The following BBS9 variants were observed in gnomAD, a reference collection of about 807,000 sequenced individuals.
BBS9 encodes protein PTHB1.
Under a neutral mutation model 117.7 loss-of-function variants are expected in BBS9, and 89 were observed. The ratio of observed to expected loss-of-function variants is 0.76; its 90% confidence interval spans 0.64 to 0.90. The LOEUF is 0.90. BBS9 is among the 40% of genes least tolerant of loss of function. The pLI, the probability that BBS9 is intolerant of heterozygous loss-of-function variation, is 0.00. For missense variants in BBS9, 982 were observed against 1,042.2 expected, an observed-to-expected ratio of 0.94 and a Z score of 0.80; for synonymous variants, 379 against 370.9, an observed-to-expected ratio of 1.02 and a Z score of -0.25.
intron 7 of BBS9, among the ~76,000 whole-genome samples, chr7:33,268,496 G>GTC (rs1799197664): frequency 6.6e-6 from 1 of 152,148 alleles, no homozygotes; most frequent in African/African-American, 2.4e-5. Flanking sequence ...TTTGTTTTCT[G>GTC]TCTTTAAGGG....
chr7:33,139,290 A>C (rs554332826), intron 1 of BBS9, among the ~76,000 whole-genome samples: 2 of 151,224 alleles, frequency 1.3e-5, no homozygotes, highest in Non-Finnish European at 2.9e-5. Flanking sequence ...ACAAAAAAAC[A>C]AGTTAATGAG....
At position 33,275,844 on chromosome 7, in the gene BBS9, G is replaced by A. The variant is rs550738281; in HGVS notation, c.1016+1888G>A. Among the ~76,000 whole-genome samples, 7 of 152,186 alleles carry A rather than the reference G, an allele frequency of 4.6e-5. No individual in the cohort carries two copies. The South Asian group carries it at 1.0e-3, about 23-fold the overall frequency. On this transcript the variant is annotated intron_variant, in intron 9 of 22. Coordinates refer to ENST00000242067, the MANE Select transcript of BBS9 (RefSeq NM_198428.3). ...TGTTAATTTATAGTTTTTGGTCTAGGTGCAACTTATGAGTTAACAGTCAAT... is the reference window on the plus strand; with the variant it reads ...TGTTAATTTATAGTTTTTGGTCTAGATGCAACTTATGAGTTAACAGTCAAT...
chr7:33,508,538 G>C (rs2129019901), intron 20 of BBS9, among the ~76,000 whole-genome samples: 1 of 152,312 alleles, frequency 6.6e-6, no homozygotes. Flanking sequence ...AGAGCTCATG[G>C]GGCTACATGT....
chr7:33,406,731 G>A (rs991166779), intron 19 of BBS9, among the ~76,000 whole-genome samples: 42 of 152,170 alleles, frequency 2.8e-4, no homozygotes, highest in Admixed American at 4.6e-4. Flanking sequence ...TGGGTTGACA[G>A]TTCTTTTCTT....
intron 21 of BBS9, among the ~76,000 whole-genome samples, chr7:33,578,740 G>A (rs1406524462): frequency 6.6e-6 from 1 of 152,150 alleles, no homozygotes; most frequent in East Asian, 1.9e-4. Context: ...AGGACTCATC[G>A]TCACAGCTGT....
chr7:33,213,507 G>A (rs1471279554), intron 5 of BBS9, among the ~76,000 whole-genome samples: 1 of 152,204 alleles, frequency 6.6e-6, no homozygotes, highest in Non-Finnish European at 1.5e-5. Context: ...TAAGGTGCAA[G>A]GCAAAGTCTC....
intron 17 of BBS9, among the ~76,000 whole-genome samples, chr7:33,373,483 G>A (rs1000108672): frequency 1.3e-5 from 2 of 152,100 alleles, no homozygotes; most frequent in Non-Finnish European, 2.9e-5. Context: ...AAAATCCAAA[G>A]TGCTCAAAAA....
chr7:33,259,540 C>T lies in BBS9; in HGVS notation c.617+2130C>T, dbSNP rs1004896222. ...AGTAAGAGAATTGTTTGCCCTGAGA[C>T]ATTTTTTTTTTTTTAATAGAGACGG... On this transcript the variant is annotated intron_variant, in intron 6 of 22. Transcript: ENST00000242067. Among the ~76,000 whole-genome samples, 3 of 151,558 alleles carry T rather than the reference C, an allele frequency of 2.0e-5. No homozygotes were observed. In the South Asian group the frequency reaches 6.3e-4, roughly 32 times the overall value.
chr7:33,300,618 T>C (rs1352796601), intron 9 of BBS9, among the ~76,000 whole-genome samples: 4 of 151,974 alleles, frequency 2.6e-5, no homozygotes, highest in Non-Finnish European at 5.9e-5. Flanking sequence ...CCTTGTTTTT[T>C]TTTTTTTTCT....
intron 19 of BBS9, among the ~76,000 whole-genome samples, chr7:33,434,502 A>G (rs1835011557): frequency 6.6e-6 from 1 of 152,084 alleles, no homozygotes. Flanking sequence ...TTGATGATTT[A>G]TATTGCTAGA....
intron 19 of BBS9, among the ~76,000 whole-genome samples, chr7:33,454,752 C>A (rs1212437189): frequency 6.6e-6 from 1 of 152,122 alleles, no homozygotes; most frequent in African/African-American, 2.4e-5. Flanking sequence ...TCAGGAGTGG[C>A]CCTGGAAGGT....
chr7:33,500,023 A>G (rs778028754), intron 19 of BBS9, among the ~76,000 whole-genome samples: 4 of 152,102 alleles, frequency 2.6e-5, no homozygotes, highest in African/African-American at 4.8e-5. Context: ...TTTTTGAGCT[A>G]TATGGAAAAT....
intron 9 of BBS9, among the ~76,000 whole-genome samples, chr7:33,280,300 A>C (rs1445210757): frequency 6.6e-6 from 1 of 152,180 alleles, no homozygotes; most frequent in African/African-American, 2.4e-5. Flanking sequence ...GTACCCAATA[A>C]GTAGGTGTTC....
At chr7:33,515,143 T>C (rs1275303699) in intron 20 of BBS9, among the ~76,000 whole-genome samples, 1 of 152,192 alleles carries the variant, frequency 6.6e-6, no homozygotes, top group African/African-American at 2.4e-5. Context: ...ACACTGCCAA[T>C]TAAACTATGA....
chr7:33,466,058 A>G (rs1397499272), intron 19 of BBS9, among the ~76,000 whole-genome samples: 1 of 151,436 alleles, frequency 6.6e-6, no homozygotes, highest in Admixed American at 6.6e-5. Flanking sequence ...ACATTTTTTG[A>G]GAGAGAGATA....
At chr7:33,618,725 A>C (rs1025052946) in intron 21 of BBS9, among the ~76,000 whole-genome samples, 2 of 152,120 alleles carry the variant, frequency 1.3e-5, no homozygotes, top group Non-Finnish European at 2.9e-5. Context: ...TTAATAACAT[A>C]ATGTGAGTGA....
chr7:33,240,572 CTA>C (rs746528350), intron 5 of BBS9, among the ~76,000 whole-genome samples: 9 of 151,996 alleles, frequency 5.9e-5, no homozygotes, highest in Non-Finnish European at 1.2e-4. Flanking sequence ...CAAAAAATTT[CTA>C]TGTTATTTTT....
At chr7:33,431,938 A>G (rs1366797683) in intron 19 of BBS9, among the ~76,000 whole-genome samples, 1 of 152,204 alleles carries the variant, frequency 6.6e-6, no homozygotes, top group Non-Finnish European at 1.5e-5. Context: ...GAGCAAATCA[A>G]GCACCACTTG....
At chr7:33,474,673 C>T (rs1488969716) in intron 19 of BBS9, among the ~76,000 whole-genome samples, 1 of 152,126 alleles carries the variant, frequency 6.6e-6, no homozygotes, top group African/African-American at 2.4e-5. Context: ...GCTGGCTGGG[C>T]GTGATGGCTC....
Sources: gnomAD v4.1 joint callset for allele counts (sites outside exome capture counted in the v4.1 genomes callset) on GRCh38, gnomAD v4.1.1 for gene constraint, MANE v1.5 for transcripts, NCBI Gene and HGNC (gene_info 2026-07-23, HGNC 2026-07-21) for gene names.